GALNT10: variants seen among roughly 807,000 people sequenced by gnomAD.
GALNT10 encodes the protein polypeptide N-acetylgalactosaminyltransferase 10.
GALNT10 carries 41 observed loss-of-function variants against 75.0 expected under a neutral mutation model. The observed-to-expected ratio is 0.55, with a 90% confidence interval of 0.43 to 0.71. GALNT10 has a LOEUF of 0.71. GALNT10 is among the 30% of genes least tolerant of loss of function. The pLI is 0.00. For synonymous variants in GALNT10, 302 were observed against 313.0 expected (o/e 0.96, Z 0.37); for missense variants, 727 against 818.5 (o/e 0.89, Z 1.36).
chr5:154,253,683 T>C (rs2113018492), intron 1 of GALNT10, among the ~76,000 whole-genome samples: 1 of 151,006 alleles, frequency 6.6e-6, no homozygotes, highest in African/African-American at 2.4e-5. Context: ...CAGGAAAGCT[T>C]TTCTAACTTC....
chr5:154,263,316 T>C (rs1192466813), intron 1 of GALNT10, among the ~76,000 whole-genome samples: 2 of 152,130 alleles, frequency 1.3e-5, no homozygotes, highest in Non-Finnish European at 2.9e-5. Flanking sequence ...TATTCAGCTG[T>C]AAAAAGGAAT....
chr5:154,210,392 A>T (rs1775178308), intron 1 of GALNT10, among the ~76,000 whole-genome samples: 1 of 151,370 alleles, frequency 6.6e-6, no homozygotes, highest in African/African-American at 2.4e-5. Flanking sequence ...GCATACACAC[A>T]CACACACACA....
chr5:154,398,323 G>A (rs1368895408), intron 7 of GALNT10, among the ~76,000 whole-genome samples: 1 of 152,256 alleles, frequency 6.6e-6, no homozygotes, highest in Non-Finnish European at 1.5e-5. Flanking sequence ...ACTGCAAAAT[G>A]TCATCTCAGT....
chr5:154,354,006 T>C (rs1486888131), intron 4 of GALNT10, among the ~76,000 whole-genome samples: 1 of 152,224 alleles, frequency 6.6e-6, no homozygotes, highest in Non-Finnish European at 1.5e-5. Context: ...AATTAATGAA[T>C]AGGTATGAGA....
chr5:154,326,487 A>G (rs142635394), intron 3 of GALNT10, among the ~76,000 whole-genome samples: 125 of 152,364 alleles, frequency 8.2e-4, no homozygotes, highest in Admixed American at 1.2e-3. Context: ...AAAAGGGGGA[A>G]ACAGCCCAAA....
chr5:154,337,727 A>G, intron 4 of GALNT10: 2 of 1,239,162 alleles, frequency 1.6e-6, no homozygotes, highest in South Asian at 2.4e-5. Flanking sequence ...CATATCCACC[A>G]CCACCATGGC....
chr5:154,257,783 A>C (rs368348213), intron 1 of GALNT10, among the ~76,000 whole-genome samples: 1 of 152,186 alleles, frequency 6.6e-6, no homozygotes. Context: ...TGGTAAAGCA[A>C]TGTTACATTT....
At chr5:154,247,554 T>A (rs1201346327) in intron 1 of GALNT10, among the ~76,000 whole-genome samples, 1 of 152,204 alleles carries the variant, frequency 6.6e-6, no homozygotes, top group Non-Finnish European at 1.5e-5. Flanking sequence ...TCCTAGGTAT[T>A]TTATTCTCTT....
At chr5:154,207,263 A>G (rs1561628562) in intron 1 of GALNT10, among the ~76,000 whole-genome samples, 2 of 152,240 alleles carry the variant, frequency 1.3e-5, no homozygotes, top group Non-Finnish European at 2.9e-5. Flanking sequence ...AATGCCAGCT[A>G]CACAGCAGGC....
chr5:154,258,850 G>A (rs907406007), intron 1 of GALNT10, among the ~76,000 whole-genome samples: 2 of 152,024 alleles, frequency 1.3e-5, no homozygotes, highest in Non-Finnish European at 2.9e-5. Flanking sequence ...CCAAACAAAA[G>A]TCCAATTGTG....
rs78546971 is a variant in GALNT10, at chr5:154,358,275, A to G, written c.569-18002A>G. On this transcript the variant is annotated intron_variant, in intron 4 of 11. Coordinates refer to ENST00000297107, the MANE Select transcript of GALNT10 (RefSeq NM_198321.4). ...GTGTCTCTAGTAAATGCAAATTGGG[A>G]AAGTGGGGTCTCCTTGGGGGCTCCA... 1.9e-3 allele frequency among the ~76,000 whole-genome samples: 287 copies of G among 152,204 alleles called. 2 individuals are homozygous for G. Among genetic ancestry groups the G allele is most frequent in the African/African-American group, 6.6e-3 (275 of 41,508 alleles).
At chr5:154,266,632 T>C (rs1753778494) in intron 1 of GALNT10, among the ~76,000 whole-genome samples, 1 of 149,806 alleles carries the variant, frequency 6.7e-6, no homozygotes, top group Non-Finnish European at 1.5e-5. Flanking sequence ...TCTGGCACTT[T>C]GGGAGGCTGA....
At chr5:154,363,464 TG>T (rs1419874933) in intron 4 of GALNT10, among the ~76,000 whole-genome samples, 1 of 122,786 alleles carries the variant, frequency 8.1e-6, no homozygotes, top group African/African-American at 3.1e-5. Context: ...AGGCATATCC[TG>T]AAAGGATTTT....
rs375328095 is a variant in GALNT10 at position 154,413,019 on chromosome 5, C to T, written c.1503+14C>T. 168 of 1,520,440 alleles carry T rather than the reference C, an allele frequency of 1.1e-4. 2 individuals carry two copies. In the South Asian group the frequency reaches 1.7e-3, roughly 15 times the overall value. 94.2% of individuals were successfully genotyped at this position (1,520,440 alleles called of 1,614,324 possible). On this transcript the variant is annotated intron_variant, in intron 10 of 11. Transcript: ENST00000297107. ...AACAACATGCAGGTAAGGGCCGCCCCTCAGGGACTGGCAGCCAGGTTCTCT... is the reference window on the plus strand; with the variant it reads ...AACAACATGCAGGTAAGGGCCGCCCTTCAGGGACTGGCAGCCAGGTTCTCT...
rs185647731 is a variant in GALNT10 at position 154,294,062 on chromosome 5, G to A, written c.160-754G>A. ...CAGTACAAAAAAAAGAATGTAGGTT[G>A]GACATGGTGGCTCATGCCTGTAATC... On this transcript the variant is annotated intron_variant, in intron 1 of 11. Transcript: ENST00000297107. Among the ~76,000 whole-genome samples, 21 of 152,270 alleles carry A rather than the reference G, an allele frequency of 1.4e-4. No homozygotes were observed. In the East Asian group the frequency reaches 3.7e-3, roughly 27 times the overall value.
At chr5:154,299,136 G>A (rs896597532) in intron 3 of GALNT10, among the ~76,000 whole-genome samples, 3 of 152,212 alleles carry the variant, frequency 2.0e-5, no homozygotes, top group Non-Finnish European at 2.9e-5. Context: ...ATTTTTCTAA[G>A]CCAGTGGTTC....
At chr5:154,414,635 G>A (rs1756468467) in intron 10 of GALNT10, among the ~76,000 whole-genome samples, 2 of 151,614 alleles carry the variant, frequency 1.3e-5, no homozygotes, top group Non-Finnish European at 2.9e-5. Flanking sequence ...ACACTTTTGC[G>A]GGGTAATGGT....
At chr5:154,288,751 A>C (rs1754149143) in intron 1 of GALNT10, among the ~76,000 whole-genome samples, 1 of 152,206 alleles carries the variant, frequency 6.6e-6, no homozygotes, top group Non-Finnish European at 1.5e-5. Context: ...AATTAAAGAA[A>C]CTTAAAATTA....
intron 1 of GALNT10, among the ~76,000 whole-genome samples, chr5:154,265,977 TA>T (rs1190526381): frequency 6.6e-6 from 1 of 152,142 alleles, no homozygotes. Flanking sequence ...ATGAGAACTT[TA>T]AAAAACTCAT....
Sources: gnomAD v4.1 joint callset for allele counts (sites outside exome capture counted in the v4.1 genomes callset) on GRCh38, gnomAD v4.1.1 for gene constraint, MANE v1.5 for transcripts, NCBI Gene and HGNC (gene_info 2026-07-23, HGNC 2026-07-21) for gene names.